Variants in HTR7 observed in about 807,000 individuals in gnomAD.
The protein encoded by HTR7 is 5-hydroxytryptamine receptor 7, also known as 5-HT-7.
HTR7 carries 16 observed loss-of-function variants against 34.0 expected under a neutral mutation model. That is an observed-to-expected ratio of 0.47 (90% confidence interval 0.32 to 0.71). The LOEUF (loss-of-function observed/expected upper bound fraction) is 0.71, where lower values mean the gene tolerates loss of function less well. Ranked by LOEUF, HTR7 falls within the 30% of genes least tolerant of loss-of-function variation. The probability of loss-of-function intolerance (pLI) is 0.04; values close to 1 mark genes in which losing one functional copy is unlikely to be tolerated. For synonymous variants in HTR7, 265 were observed against 260.2 expected (o/e 1.02, Z -0.18); for missense variants, 504 against 625.5 (o/e 0.81, Z 2.07).
chr10:90,843,316 G>A (rs1249354289), intron 1 of HTR7, among the ~76,000 whole-genome samples: 1 of 152,192 alleles, frequency 6.6e-6, no homozygotes, highest in East Asian at 1.9e-4. Context: ...GCTATGCAGA[G>A]TGTACAGATG....
chr10:90,841,985 C>T (rs543417146), intron 1 of HTR7, among the ~76,000 whole-genome samples: 2 of 151,992 alleles, frequency 1.3e-5, no homozygotes, highest in Non-Finnish European at 2.9e-5. Context: ...GGGCATAGAG[C>T]AAGACTCTGT....
intron 1 of HTR7, among the ~76,000 whole-genome samples, chr10:90,803,491 T>C (rs549533825): frequency 8.5e-5 from 13 of 152,306 alleles, no homozygotes; most frequent in Admixed American, 2.0e-4. Context: ...TATTTGCCAT[T>C]TGATGCACAA....
intron 1 of HTR7, among the ~76,000 whole-genome samples, chr10:90,836,946 C>T (rs1021001425): frequency 6.6e-6 from 1 of 152,122 alleles, no homozygotes; most frequent in South Asian, 2.1e-4. Flanking sequence ...TTCAGAAGAA[C>T]CTGTATCCTA....
chr10:90,796,258 G>C lies in HTR7; in HGVS notation c.540-46664C>G, dbSNP rs75570896. ...TTTGGCTGACAAGCAATAAATAGAT[G>C]CAAGATACTGTCACAACTAACTGAA... On this transcript the variant is annotated intron_variant, in intron 1 of 3. Coordinates refer to ENST00000336152, the MANE Select transcript of HTR7 (RefSeq NM_019859.4). 1.5e-3 allele frequency among the ~76,000 whole-genome samples: 222 copies of C among 152,252 alleles called. 2 individuals carry two copies. Among genetic ancestry groups the C allele is most frequent in the African/African-American group, 4.9e-3 (204 of 41,558 alleles).
intron 1 of HTR7, among the ~76,000 whole-genome samples, chr10:90,796,688 C>T (rs111685246): frequency 0.061 from 9,321 of 152,076 alleles, 364 homozygotes; most frequent in Non-Finnish European, 0.095. Context: ...GTCCAGCCTG[C>T]GTGACACAGC....
intron 1 of HTR7, among the ~76,000 whole-genome samples, chr10:90,820,134 T>C (rs1488485086): frequency 6.6e-6 from 1 of 152,184 alleles, no homozygotes; most frequent in Admixed American, 6.5e-5. Flanking sequence ...AGTCAGTCTT[T>C]TGTTTGGTAT....
intron 1 of HTR7, among the ~76,000 whole-genome samples, chr10:90,826,924 G>T: frequency 6.6e-6 from 1 of 151,620 alleles, no homozygotes; most frequent in Non-Finnish European, 1.5e-5. Context: ...GTGACACAGC[G>T]AGACTCCATC....
At chr10:90,853,470 C>T (rs12783563) in intron 1 of HTR7, among the ~76,000 whole-genome samples, 30,491 of 141,938 alleles carry the variant, frequency 0.21, 3,915 homozygotes, top group African/African-American at 0.37. Flanking sequence ...CTTTTCTTTT[C>T]TTTTTTTTTT....
In HTR7 at chr10:90,857,574, G is replaced by C; in HGVS notation, c.98C>G (p.Pro33Arg). The change falls in exon 1 of 4, where the codon CCC becomes CGC. Residue 33 changes from proline to arginine, a missense_variant. Physicochemically the swap from Pro to Arg is moderately radical, Grantham distance 103. Coordinates refer to ENST00000336152, the MANE Select transcript of HTR7 (RefSeq NM_019859.4). The surrounding 1 kb of genome is among the most constrained non-coding windows in gnomAD (Gnocchi z 6.5). ...CGCGACCGGGTCGGCGCCACCGTCG[G>C]GGCTCAAGTCGGGCAGCCCGCGCCC... Reference protein sequence around the residue: ...EVGRGLPDLSPDGGADPVAGS... With the variant: ...EVGRGLPDLSRDGGADPVAGS... 1 of 1,595,588 alleles carries C rather than the reference G, an allele frequency of 6.3e-7. No individual in the cohort carries two copies. Among genetic ancestry groups the C allele is most frequent in the Non-Finnish European group, 8.5e-7 (1 of 1,172,722 alleles).
chr10:90,854,074 A>G (rs1846542093), intron 1 of HTR7, among the ~76,000 whole-genome samples: 1 of 152,254 alleles, frequency 6.6e-6, no homozygotes, highest in Non-Finnish European at 1.5e-5. Context: ...CTGAAGAAAG[A>G]CCATCAATAA....
chr10:90,821,335 G>A (rs190094267), intron 1 of HTR7, among the ~76,000 whole-genome samples: 1 of 152,302 alleles, frequency 6.6e-6, no homozygotes, highest in Non-Finnish European at 1.5e-5. Context: ...GGGGGAGAAA[G>A]AGCACAGTGA....
intron 1 of HTR7, among the ~76,000 whole-genome samples, chr10:90,854,138 G>A (rs1203046649): frequency 1.3e-5 from 2 of 152,354 alleles, no homozygotes; most frequent in East Asian, 3.9e-4. Context: ...GGCCGAGGTG[G>A]GCGGATCAGT....
chr10:90,749,304 C>A lies in HTR7; in HGVS notation c.830G>T (p.Gly277Val). 1 of 1,614,138 alleles carries A rather than the reference C, an allele frequency of 6.2e-7. No individual in the cohort carries two copies. The highest frequency in any genetic ancestry group is 8.5e-7 in the Non-Finnish European group (1 of 1,180,014). Residue 277 changes from glycine to valine, a missense_variant, in exon 2 of 4, where the codon GGC (glycine) becomes GTC (valine). This residue lies in a region of HTR7 where 57 missense variants were observed against 47.5 expected (regional missense o/e 1.20). Transcript: ENST00000336152. This position sits in a 1 kb window ranked among gnomAD's most constrained non-coding sequence, Gnocchi z 4.2. The stretch of plus-strand genomic sequence containing the variant: ...GCTGTCTGGCTCCACTCGAGGGAAG[C>A]CAGGAAACTTGTGTTTGGCAGCACT... Reference protein sequence around the residue: ...RKSAAKHKFPGFPRVEPDSVI... With the variant: ...RKSAAKHKFPVFPRVEPDSVI...
chr10:90,832,277 AGG>A lies in HTR7; in HGVS notation c.539+24854_539+24855del, dbSNP rs1219675744. 3.9e-5 allele frequency among the ~76,000 whole-genome samples: 6 copies of A among 152,304 alleles called. No homozygotes were observed. In the East Asian group the frequency reaches 1.2e-3, roughly 29 times the overall value. On this transcript the variant is annotated intron_variant, in intron 1 of 3. Transcript: ENST00000336152. ...CAGTGCAGGAGGCCACGGTGGGTGT[AGG>A]GGAGACCCAGGCATGGTGGGATGCA...
intron 1 of HTR7, among the ~76,000 whole-genome samples, chr10:90,849,832 C>A (rs1452817058): frequency 6.6e-6 from 1 of 152,196 alleles, no homozygotes; most frequent in African/African-American, 2.4e-5. Flanking sequence ...CACACACACT[C>A]ACACACGCAT....
intron 1 of HTR7, among the ~76,000 whole-genome samples, chr10:90,783,395 A>ATATTCAAAG (rs1845336586): frequency 6.6e-6 from 1 of 152,036 alleles, no homozygotes; most frequent in African/African-American, 2.4e-5. Context: ...CCCTGTGTTT[A>ATATTCAAAG]TTTCCTGCCT....
intron 1 of HTR7, among the ~76,000 whole-genome samples, chr10:90,782,154 G>T (rs996361520): frequency 6.6e-6 from 1 of 152,102 alleles, no homozygotes; most frequent in African/African-American, 2.4e-5. Context: ...CACAGACATG[G>T]GCGAGAGACT....
chr10:90,749,640 C>G lies in HTR7; in HGVS notation c.540-46G>C. ...TAACAGATGAACACCGTGATCATAA[C>G]TGGTCAACCAAGCAAGTCCTGCCAG... On this transcript the variant is annotated intron_variant, in intron 1 of 3. Transcript: ENST00000336152. This position sits in a 1 kb window ranked among gnomAD's most constrained non-coding sequence, Gnocchi z 4.2. 2 of 1,547,428 alleles carry G rather than the reference C, an allele frequency of 1.3e-6. No individual in the cohort carries two copies. The highest frequency in any genetic ancestry group is 1.7e-6 in the Non-Finnish European group (2 of 1,143,816).
chr10:90,759,837 T>C (rs938351923), intron 1 of HTR7, among the ~76,000 whole-genome samples: 4 of 152,170 alleles, frequency 2.6e-5, no homozygotes, highest in African/African-American at 9.7e-5. Context: ...TAGGATACAG[T>C]GTTAGAGCAC....
Sources: gnomAD v4.1 joint callset for allele counts (sites outside exome capture counted in the v4.1 genomes callset) on GRCh38, gnomAD v4.1.1 for gene constraint, gnomAD v4.1.1 regional missense constraint, Gnocchi (gnomAD v3.1) non-coding constraint, MANE v1.5 for transcripts, NCBI Gene and HGNC (gene_info 2026-07-23, HGNC 2026-07-21) for gene names.